PER1: variants seen among roughly 807,000 people sequenced by gnomAD.
The protein encoded by PER1 is period circadian protein homolog 1.
Under a neutral mutation model 125.9 loss-of-function variants are expected in PER1, and 87 were observed. That is an observed-to-expected ratio of 0.69 (90% confidence interval 0.58 to 0.83). PER1 has a LOEUF of 0.83. PER1 is among the 40% of genes least tolerant of loss of function. The pLI is 0.00. For missense variants in PER1, 1,775 were observed against 1,722.8 expected, an observed-to-expected ratio of 1.03 and a Z score of -0.54; for synonymous variants, 801 against 714.7, an observed-to-expected ratio of 1.12 and a Z score of -1.93.
rs551671974 is a variant in PER1 at position 8,146,655 on chromosome 17, C to G, written c.1846G>C (p.Glu616Gln). 1 of 1,613,720 alleles carries G rather than the reference C, an allele frequency of 6.2e-7. No homozygotes were observed. Among genetic ancestry groups the G allele is most frequent in the Non-Finnish European group, 8.5e-7 (1 of 1,179,992 alleles). Residue 616 changes from glutamate to glutamine, a missense_variant, in exon 15 of 23, where the codon GAG becomes CAG. Transcript: ENST00000317276. ...APLALVPEEA[E>Q]RKEASSCSYQ... is the part of the protein sequence containing the mutation. ...GAGCAGCTGGAGGCTTCTTTCCTCT[C>G]GGCCTCCTCAGGGACCAAGGCTAGT...
At chr17:8,152,081 G>A (rs1379601774) in intron 1 of PER1, among the ~76,000 whole-genome samples, 1 of 151,938 alleles carries the variant, frequency 6.6e-6, no homozygotes, top group Non-Finnish European at 1.5e-5. Flanking sequence ...CCCGCTGAGA[G>A]TCGGCTGTGG....
In PER1 at chr17:8,148,768, A is replaced by T; in HGVS notation, c.924T>A (p.Asp308Glu). 6.2e-7 allele frequency: 1 copy of T among 1,613,702 alleles called. No individual in the cohort carries two copies. The highest frequency in any genetic ancestry group is 1.3e-5 in the African/African-American group (1 of 75,014). ...FCRIRGGPDR[D>E]PGPRYQPFRL... is the part of the protein sequence containing the mutation. ...GGAATGGCTGGTACCGAGGCCCTGGATCCCGGTCAGGACCTCCTCTAGCAA... is the reference window on the plus strand; with the variant it reads ...GGAATGGCTGGTACCGAGGCCCTGGTTCCCGGTCAGGACCTCCTCTAGCAA... The change falls in exon 8 of 23, where the codon GAT becomes GAA. Residue 308 changes from aspartate (D) to glutamate (E), a missense_variant. By Grantham distance (45) the Asp-to-Glu change is conservative (BLOSUM62 2). Transcript: ENST00000317276.
rs1425719962 is a variant in PER1 at position 8,143,578 on chromosome 17, G to A, written c.2760C>T (p.Ala920=). The A allele has an allele frequency of 1.4e-6, 2 of 1,467,694 alleles. No homozygotes were observed. The highest frequency in any genetic ancestry group is 2.5e-5 in the East Asian group (1 of 40,098). 90.9% of individuals were successfully genotyped at this position (1,467,694 alleles called of 1,614,324 possible). The change falls in exon 19 of 23, where the codon GCC becomes GCT. Residue 920 remains alanine, a synonymous_variant. Coordinates refer to ENST00000317276, the MANE Select transcript of PER1 (RefSeq NM_002616.3). ...GGAACAGATAGTTAGGGAGCACCAA[G>A]GCCACCATTGGGGTCACCAAAGGGG... is the stretch of plus-strand genomic sequence containing the variant. ...FPAPLVTPMV[A]LVLPNYLFPT...
In PER1 at chr17:8,148,255, G is replaced by C; in HGVS notation, c.1053C>G (p.Pro351=). 1 of 1,613,758 alleles carries C rather than the reference G, an allele frequency of 6.2e-7. No homozygotes were observed. Among genetic ancestry groups the C allele is most frequent in the Non-Finnish European group, 8.5e-7 (1 of 1,179,694 alleles). The part of the protein sequence containing the change: ...AERIHSGYEA[P]RIPPDKRIFT... ...AAATCCTCTTGTCAGGGGGTATCCG[G>C]GGAGCTGAGGCACAGAGAGTGTGGT... The change falls in exon 9 of 23, where the codon CCC becomes CCG. Residue 351 remains proline, a synonymous_variant. Coordinates refer to ENST00000317276, the MANE Select transcript of PER1 (RefSeq NM_002616.3).
intron 19 of PER1, 57 bp downstream of exon 19, chr17:8,143,209 G>A: frequency 8.1e-7 from 1 of 1,231,666 alleles, no homozygotes; most frequent in Non-Finnish European, 1.1e-6. Context: ...GCACAGGGTG[G>A]CAGAGGGGCG....
Position 8,150,845 on chromosome 17 carries a change from C to T in PER1, c.-139G>A, listed in dbSNP as rs1982819515. 1.4e-6 allele frequency: 1 copy of T among 733,632 alleles called. No homozygotes were observed. Among genetic ancestry groups the T allele is most frequent in the South Asian group, 2.2e-5 (1 of 46,176 alleles). The allele number at this position is 733,632 out of a possible 1,614,324, so 45.4% of individuals were successfully genotyped here. On this transcript the variant is annotated splice_region_variant and 5_prime_UTR_variant, in exon 2 of 23. Transcript: ENST00000317276. The stretch of plus-strand genomic sequence containing the variant: ...TTGAGAAGTTCGATCACAGCCAGTA[C>T]CTGGAGAGGGAGACCAGGAAGCAGG...
In PER1 at chr17:8,142,793, A is replaced by G; in HGVS notation, c.3115T>C (p.Ser1039Pro). The G allele has an allele frequency of 6.2e-7, 1 of 1,612,580 alleles. No individual in the cohort carries two copies. The highest frequency in any genetic ancestry group is 8.5e-7 in the Non-Finnish European group (1 of 1,179,818). Residue 1039 changes from serine to proline, a missense_variant, in exon 20 of 23, where the codon TCC becomes CCC. Physicochemically the swap from Ser to Pro is moderately conservative, Grantham distance 74. Coordinates refer to ENST00000317276, the MANE Select transcript of PER1 (RefSeq NM_002616.3). ...AGCAGAAGTTCGAGCAGGTCACTGG[A>G]GCCGGAAAGTGCGTCCTGATTGGAG... ...ESSNQDALSGSSDLLELLLQE... is the reference protein window; with the variant it reads ...ESSNQDALSGPSDLLELLLQE...
chr17:8,151,171 G>C (rs1982839592), intron 1 of PER1, among the ~76,000 whole-genome samples: 2 of 152,224 alleles, frequency 1.3e-5, no homozygotes, highest in Admixed American at 6.5e-5. Flanking sequence ...GGGCCTCCAA[G>C]GCCTCGGAGC....
At chr17:8,146,563 C>G in intron 15 of PER1, 31 bp downstream of exon 15, 1 of 1,601,750 alleles carries the variant, frequency 6.2e-7, no homozygotes, top group South Asian at 1.1e-5. Context: ...GGTTAGAGCC[C>G]GAGGTGGAGA....
At chr17:8,142,615 C>G (rs377108525) in intron 20 of PER1, 34 bp downstream of exon 20, 16 of 1,608,762 alleles carry the variant, frequency 9.9e-6, no homozygotes, top group Non-Finnish European at 1.4e-5. Context: ...AATCACTGCC[C>G]TACCCTGGGA....
intron 19 of PER1, 140 bp from the exon 20 acceptor site, chr17:8,142,975 T>A: frequency 1.5e-6 from 1 of 682,336 alleles, no homozygotes; most frequent in South Asian, 1.9e-5. Context: ...AGGGCCAGGC[T>A]GAGAGAGAAG....
At chr17:8,149,354 C>G in intron 6 of PER1, 44 bp from the exon 7 acceptor site, 1 of 1,611,080 alleles carries the variant, frequency 6.2e-7, no homozygotes, top group Non-Finnish European at 8.5e-7. Context: ...CCTGCCCCTT[C>G]CCTAGGCTGC....
At chr17:8,148,399 G>A in intron 8 of PER1, 140 bp from the exon 9 acceptor site, 1 of 829,206 alleles carries the variant, frequency 1.2e-6, no homozygotes. Flanking sequence ...GATGGTCTGG[G>A]CCAATCCTAT....
At chr17:8,150,393 A>T (rs1179824236) in intron 2 of PER1, 39 bp downstream of exon 2, 2 of 1,572,264 alleles carry the variant, frequency 1.3e-6, no homozygotes, top group Admixed American at 3.6e-5. Context: ...GCCTGCTCAC[A>T]AGACCATTCC....
At chr17:8,151,991 A>G (rs1034876684) in intron 1 of PER1, among the ~76,000 whole-genome samples, 1 of 152,196 alleles carries the variant, frequency 6.6e-6, no homozygotes, top group African/African-American at 2.4e-5. Flanking sequence ...AGACACGGGG[A>G]GCGCTGAAAG....
Position 8,150,588 on chromosome 17 carries a change from C to G in PER1, c.119G>C (p.Ser40Thr), listed in dbSNP as rs1982796056. The change falls in exon 2 of 23, where the codon AGC (serine) becomes ACC (threonine). Residue 40 changes from serine to threonine, a missense_variant. Physicochemically the swap from Ser to Thr is moderately conservative, Grantham distance 58. Coordinates refer to ENST00000317276, the MANE Select transcript of PER1 (RefSeq NM_002616.3). ...PPQHRPCPGP[S>T]LADDTDANSN... ...GTTGGCATCGGTGTCATCGGCCAGG[C>G]TGGGGCCTGGGCAAGGCCGGTGCTG... is the stretch of plus-strand genomic sequence containing the variant. 6.2e-7 allele frequency: 1 copy of G among 1,613,892 alleles called. No homozygotes were observed. The highest frequency in any genetic ancestry group is 8.5e-7 in the Non-Finnish European group (1 of 1,179,992).
At chr17:8,146,179 T>G in intron 16 of PER1, 42 bp from the exon 17 acceptor site, 1 of 1,556,934 alleles carries the variant, frequency 6.4e-7, no homozygotes, top group Non-Finnish European at 8.7e-7. Context: ...CCACCCCCAC[T>G]GGGAAGTCAG....
chr17:8,148,347 T>C, intron 8 of PER1, 88 bp from the exon 9 acceptor site: 2 of 1,136,088 alleles, frequency 1.8e-6, no homozygotes, highest in East Asian at 2.4e-5. Flanking sequence ...GGCTGGCTGA[T>C]GATCTGCCAC....
chr17:8,140,690 A>T lies in PER1; in HGVS notation c.*378T>A, dbSNP rs1982027009. The T allele has an allele frequency of 4.0e-6, 1 of 251,468 alleles. No individual in the cohort carries two copies. The highest frequency in any genetic ancestry group is 7.8e-6 in the Non-Finnish European group (1 of 127,698). The allele number at this position is 251,468 out of a possible 1,614,324, so 15.6% of individuals were successfully genotyped here. On this transcript the variant is annotated 3_prime_UTR_variant, in exon 23 of 23. Coordinates refer to ENST00000317276, the MANE Select transcript of PER1 (RefSeq NM_002616.3). ...CAGGCTCTCCTCCCATCTGGGGAGGAGGTGGGAGAGAGAGCTGTCTCCCCG... is the reference window on the plus strand; with the variant it reads ...CAGGCTCTCCTCCCATCTGGGGAGGTGGTGGGAGAGAGAGCTGTCTCCCCG...
Sources: gnomAD v4.1 joint callset for allele counts (sites outside exome capture counted in the v4.1 genomes callset) on GRCh38, gnomAD v4.1.1 for gene constraint, MANE v1.5 for transcripts, NCBI Gene and HGNC (gene_info 2026-07-23, HGNC 2026-07-21) for gene names.